Variants in EML4 observed in about 807,000 individuals in gnomAD.
EML4 encodes the protein EMAP like 4.
Under a neutral mutation model 129.0 loss-of-function variants are expected in EML4, and 72 were observed. That is an observed-to-expected ratio of 0.56 (90% CI 0.46 to 0.68). The LOEUF (loss-of-function observed/expected upper bound fraction) is 0.68. Ranked by LOEUF, EML4 falls within the 30% of genes least tolerant of loss-of-function variation. The pLI, the probability that EML4 is intolerant of heterozygous loss-of-function variation, is 0.00. For synonymous variants in EML4, 532 were observed against 405.0 expected, an observed-to-expected ratio of 1.31 and a Z score of -3.77; for missense variants, 1,363 against 1,190.6, an observed-to-expected ratio of 1.14 and a Z score of -2.13.
chr2:42,265,649 C>G (rs79954534), intron 6 of EML4, among the ~76,000 whole-genome samples: 1,892 of 148,846 alleles, frequency 0.013, 39 homozygotes, highest in African/African-American at 0.045. Context: ...GGAGTTTTCT[C>G]CCTTAAAAAA....
Position 42,301,214 on chromosome 2 carries a change from A to G in EML4, c.1490-27A>G, listed in dbSNP as rs180942668. 2.1e-4 allele frequency: 339 copies of G among 1,586,344 alleles called. 4 individuals carry two copies. The South Asian group carries it at 2.7e-3, about 12-fold the overall frequency. On this transcript the variant is annotated intron_variant, in intron 13 of 22. Transcript: ENST00000318522. ...AAATCTGAAGAAAAGTATTATCACT[A>G]GTGTTTTTATTTTTCCCTCATATTA...
intron 1 of EML4, among the ~76,000 whole-genome samples, chr2:42,241,640 C>T (rs1312410770): frequency 6.6e-6 from 1 of 152,184 alleles, no homozygotes; most frequent in Non-Finnish European, 1.5e-5. Flanking sequence ...GATTAAATCA[C>T]TCAGTAGTTT....
intron 1 of EML4, among the ~76,000 whole-genome samples, chr2:42,217,032 A>G (rs746010767): frequency 9.8e-5 from 15 of 152,330 alleles, no homozygotes; most frequent in Non-Finnish European, 2.1e-4. Flanking sequence ...ACTGTAATAA[A>G]ACATTTTTGT....
At chr2:42,282,595 A>C (rs766601082) in intron 7 of EML4, among the ~76,000 whole-genome samples, 1 of 151,864 alleles carries the variant, frequency 6.6e-6, no homozygotes, top group Admixed American at 6.6e-5. Flanking sequence ...GGGTCTCACT[A>C]TTGCCCGCAC....
chr2:42,279,712 G>C lies in EML4; in HGVS notation c.668-1138G>C, dbSNP rs538375621. ...GATGGTCTCAATCTCCTGACCTCATGATCTGCCCATCTCAGCCTCCCAAAG... is the reference window on the plus strand; with the variant it reads ...GATGGTCTCAATCTCCTGACCTCATCATCTGCCCATCTCAGCCTCCCAAAG... On this transcript the variant is annotated intron_variant, in intron 6 of 22. Coordinates refer to ENST00000318522, the MANE Select transcript of EML4 (RefSeq NM_019063.5). Among the ~76,000 whole-genome samples the C allele has an allele frequency of 4.5e-4, 68 of 151,998 alleles. No individual in the cohort carries two copies. The Middle Eastern group carries it at 0.02, about 46-fold the overall frequency.
chr2:42,267,527 A>G (rs973057977), intron 6 of EML4, among the ~76,000 whole-genome samples: 1 of 152,218 alleles, frequency 6.6e-6, no homozygotes, highest in Non-Finnish European at 1.5e-5. Context: ...GCCTATTTAC[A>G]TATGGTACAT....
chr2:42,286,234 CT>C (rs1667300902), intron 9 of EML4, 34 bp from the exon 10 acceptor site: 1 of 1,197,560 alleles, frequency 8.4e-7, no homozygotes, highest in Non-Finnish European at 1.3e-6. Flanking sequence ...TTGCATCCAC[CT>C]GTCCAGTTGC....
chr2:42,256,667 A>G, intron 3 of EML4, 37 bp downstream of exon 3: 4 of 1,610,880 alleles, frequency 2.5e-6, no homozygotes, highest in Non-Finnish European at 3.4e-6. Context: ...CTAACATTGC[A>G]GAATTGTCTG....
chr2:42,309,908 T>C lies in EML4; in HGVS notation c.1967+5357T>C, dbSNP rs561542708. On this transcript the variant is annotated intron_variant, in intron 17 of 22. Transcript: ENST00000318522. ...TTTAGTTTATCTGTTCTTTCTCTTG[T>C]TTCTTAAGCATAAATATTTACTTCT... Among the ~76,000 whole-genome samples, 16 of 152,362 alleles carry C rather than the reference T, an allele frequency of 1.1e-4. No homozygotes were observed. The East Asian group carries it at 2.3e-3, about 22-fold the overall frequency.
intron 17 of EML4, among the ~76,000 whole-genome samples, chr2:42,315,091 C>G (rs896951294): frequency 1.3e-5 from 2 of 150,652 alleles, no homozygotes; most frequent in Non-Finnish European, 3.0e-5. Context: ...TGCTACTGTT[C>G]CCTCACACCT....
intron 1 of EML4, among the ~76,000 whole-genome samples, chr2:42,202,094 AAAG>A (rs1168036501): frequency 6.6e-6 from 1 of 152,100 alleles, no homozygotes; most frequent in African/African-American, 2.4e-5. Flanking sequence ...AAAAAAAAAA[AAAG>A]AAGTAGAAAG....
At chr2:42,186,204 G>GA (rs1558483027) in intron 1 of EML4, among the ~76,000 whole-genome samples, 1 of 152,016 alleles carries the variant, frequency 6.6e-6, no homozygotes, top group Non-Finnish European at 1.5e-5. Flanking sequence ...AATTGCCACA[G>GA]AAAAATACAT....
chr2:42,269,596 G>C (rs889141945), intron 6 of EML4, among the ~76,000 whole-genome samples: 3 of 152,158 alleles, frequency 2.0e-5, no homozygotes, highest in African/African-American at 7.2e-5. Flanking sequence ...TTTATATAGA[G>C]TAGTTAGGGA....
intron 7 of EML4, among the ~76,000 whole-genome samples, chr2:42,282,399 T>A (rs1222303654): frequency 2.0e-5 from 1 of 49,236 alleles, no homozygotes; most frequent in Non-Finnish European, 4.2e-5. Context: ...GGTGGAGGGG[T>A]GGGGGTGGGC....
intron 6 of EML4, among the ~76,000 whole-genome samples, chr2:42,271,634 C>T (rs958870173): frequency 8.5e-5 from 13 of 152,058 alleles, no homozygotes; most frequent in Non-Finnish European, 1.9e-4. Context: ...CATTAGAGAA[C>T]GTTCTAATCT....
chr2:42,302,523 A>G (rs537679358), intron 14 of EML4, among the ~76,000 whole-genome samples: 6 of 151,764 alleles, frequency 4.0e-5, no homozygotes, highest in Non-Finnish European at 8.8e-5. Flanking sequence ...ATGTGAGCTA[A>G]TAGAACTTAC....
chr2:42,264,769 T>A, intron 6 of EML4, 38 bp downstream of exon 6: 1 of 1,460,306 alleles, frequency 6.8e-7, no homozygotes, highest in Non-Finnish European at 9.5e-7. Context: ...TATTTTGCCC[T>A]TCTTAGTTTA....
At chr2:42,306,484 C>CTTTTTTTTTTTTTTTTTTTTATT (rs1668600160) in intron 17 of EML4, among the ~76,000 whole-genome samples, 1 of 74,604 alleles carries the variant, frequency 1.3e-5, no homozygotes, top group Non-Finnish European at 2.6e-5. Context: ...GTGCTAAATC[C>CTTTTTTTTTTTTTTTTTTTTATT]TTTTTTTTTT....
At chr2:42,271,143 T>C (rs1229578576) in intron 6 of EML4, among the ~76,000 whole-genome samples, 1 of 152,182 alleles carries the variant, frequency 6.6e-6, no homozygotes, top group Non-Finnish European at 1.5e-5. Flanking sequence ...ATCCGTCTGC[T>C]TCAGCCTTCC....
Sources: allele counts gnomAD v4.1 joint callset (sites outside exome capture counted in the v4.1 genomes callset), GRCh38; gene constraint gnomAD v4.1.1; transcripts MANE v1.5; gene names NCBI Gene and HGNC (gene_info 2026-07-23, HGNC 2026-07-21).